Variants in AKAP19 observed in about 807,000 individuals in gnomAD.
The protein encoded by AKAP19 is small A-kinase anchoring protein.
At chr2:189,939,179 C>G in the AKAP19 span, among the ~76,000 whole-genome samples, 2 of 152,188 alleles carry the variant, frequency 1.3e-5, no homozygotes, top group Middle Eastern at 3.2e-3. Context: ...GTTACTCCAC[C>G]AAAGGAGATG....
At chr2:189,934,607 C>T in the AKAP19 span, among the ~76,000 whole-genome samples, 771 of 151,680 alleles carry the variant, frequency 5.1e-3, 16 homozygotes, top group East Asian at 0.044. Context: ...TCCTGTTATA[C>T]TTAGTTTTAC....
chr2:189,973,163 A>G, the AKAP19 span, among the ~76,000 whole-genome samples: 1 of 152,136 alleles, frequency 6.6e-6, no homozygotes, highest in Non-Finnish European at 1.5e-5. Context: ...TCCCATCAAT[A>G]CCTAATTTAT....
At chr2:189,985,892 T>C in the AKAP19 span, among the ~76,000 whole-genome samples, 2 of 152,120 alleles carry the variant, frequency 1.3e-5, no homozygotes, top group Non-Finnish European at 2.9e-5. Context: ...TGTAGGTAAA[T>C]CTAAACAAAC....
At chr2:189,955,438 A>G in the AKAP19 span, among the ~76,000 whole-genome samples, 37 of 152,074 alleles carry the variant, frequency 2.4e-4, no homozygotes, top group African/African-American at 8.7e-4. Flanking sequence ...ACAAGTACAG[A>G]TTTTTTTGAT....
At chr2:189,897,741 TAATTA>T in the AKAP19 span, among the ~76,000 whole-genome samples, 1 of 152,194 alleles carries the variant, frequency 6.6e-6, no homozygotes, top group East Asian at 1.9e-4. Context: ...TGGGGCAAAT[TAATTA>T]AATTAATGAA....
chr2:190,145,512 C>T, the AKAP19 span, among the ~76,000 whole-genome samples: 3 of 152,156 alleles, frequency 2.0e-5, no homozygotes, highest in South Asian at 2.1e-4. Flanking sequence ...GGTCAATGAC[C>T]GACTGCATAT....
chr2:189,993,538 CTCTT>C, the AKAP19 span, among the ~76,000 whole-genome samples: 1 of 152,106 alleles, frequency 6.6e-6, no homozygotes, highest in Non-Finnish European at 1.5e-5. Context: ...GGAGGATTTC[CTCTT>C]TCTTTATCTT....
At chr2:189,917,564 A>T in the AKAP19 span, 1 of 502,282 alleles carries the variant, frequency 2.0e-6, no homozygotes. Flanking sequence ...TTTCTTTCTT[A>T]TTAAGGTCTT....
the AKAP19 span, among the ~76,000 whole-genome samples, chr2:189,948,822 T>C: frequency 6.8e-6 from 1 of 146,806 alleles, no homozygotes; most frequent in Non-Finnish European, 1.5e-5. Flanking sequence ...AGTAAAATCA[T>C]TTTTTTTTCT....
chr2:190,023,986 G>A, the AKAP19 span, among the ~76,000 whole-genome samples: 1 of 151,874 alleles, frequency 6.6e-6, no homozygotes, highest in Non-Finnish European at 1.5e-5. Flanking sequence ...TTTCCTTATA[G>A]TAATTTTTTT....
At chr2:189,993,165 G>A in the AKAP19 span, among the ~76,000 whole-genome samples, 1 of 152,122 alleles carries the variant, frequency 6.6e-6, no homozygotes, top group Admixed American at 6.6e-5. Flanking sequence ...TTCATAGATA[G>A]CTTTTATTAC....
At chr2:189,989,336 A>G in the AKAP19 span, among the ~76,000 whole-genome samples, 1 of 152,142 alleles carries the variant, frequency 6.6e-6, no homozygotes, top group African/African-American at 2.4e-5. Flanking sequence ...AATCACACAA[A>G]GTAAGATGAC....
At chr2:190,007,098 A>G in the AKAP19 span, among the ~76,000 whole-genome samples, 2 of 152,236 alleles carry the variant, frequency 1.3e-5, no homozygotes, top group African/African-American at 4.8e-5. Context: ...AATTTTGTAT[A>G]AGATTAGATA....
At chr2:190,070,618 C>A in the AKAP19 span, among the ~76,000 whole-genome samples, 1 of 138,186 alleles carries the variant, frequency 7.2e-6, no homozygotes, top group East Asian at 2.5e-4. Flanking sequence ...TCTCTCTCCC[C>A]CCCCCCTTTT....
chr2:190,164,306 G>A, the AKAP19 span, among the ~76,000 whole-genome samples: 1 of 152,182 alleles, frequency 6.6e-6, no homozygotes, highest in South Asian at 2.1e-4. Context: ...AAGCTGAGGT[G>A]GGCGGATCAC....
At chr2:189,885,272 C>T in the AKAP19 span, among the ~76,000 whole-genome samples, 1 of 152,154 alleles carries the variant, frequency 6.6e-6, no homozygotes, top group South Asian at 2.1e-4. Flanking sequence ...GCCTTCCTGG[C>T]TATCTTGAAA....
chr2:190,084,554 C>T, the AKAP19 span, among the ~76,000 whole-genome samples: 21 of 152,220 alleles, frequency 1.4e-4, no homozygotes, highest in South Asian at 4.1e-4. Flanking sequence ...AATGTATTCA[C>T]GTAGTCAAAA....
chr2:190,084,090 G>GT, the AKAP19 span, among the ~76,000 whole-genome samples: 17,953 of 132,036 alleles, frequency 0.14, 1,729 homozygotes, highest in African/African-American at 0.24. Flanking sequence ...TAGAGCTCAG[G>GT]TTTTTTTTTT....
the AKAP19 span, among the ~76,000 whole-genome samples, chr2:189,973,056 G>A: frequency 6.6e-6 from 1 of 152,160 alleles, no homozygotes; most frequent in African/African-American, 2.4e-5. Context: ...TCCCTGTCTT[G>A]TGCTAGTTTT....
Sources: gnomAD v4.1 joint callset for allele counts (sites outside exome capture counted in the v4.1 genomes callset) on GRCh38, gnomAD v4.1.1 for gene constraint, MANE v1.5 for transcripts, NCBI Gene and HGNC (gene_info 2026-07-23, HGNC 2026-07-21) for gene names.